The following ZDHHC14 variants were observed in gnomAD, a reference collection of about 807,000 sequenced individuals.
ZDHHC14 encodes the protein palmitoyltransferase ZDHHC14.
ZDHHC14 carries 16 observed loss-of-function variants against 47.7 expected under a neutral mutation model. The ratio of observed to expected loss-of-function variants is 0.34; its 90% confidence interval spans 0.23 to 0.51. The LOEUF is 0.51. Among genes scored for constraint, ZDHHC14 ranks in the 20% least tolerant of loss-of-function variants. The probability of loss-of-function intolerance (pLI) is 0.97; values close to 1 mark genes in which losing one functional copy is unlikely to be tolerated. For synonymous variants in ZDHHC14, 293 were observed against 278.9 expected (o/e 1.05, Z -0.50); for missense variants, 515 against 662.5 (o/e 0.78, Z 2.44).
chr6:157,395,195 C>T (rs1450988168), intron 1 of ZDHHC14, among the ~76,000 whole-genome samples: 1 of 151,606 alleles, frequency 6.6e-6, no homozygotes, highest in Non-Finnish European at 1.5e-5. Context: ...AGGTCTTGCT[C>T]TGTCACCCAG....
intron 2 of ZDHHC14, among the ~76,000 whole-genome samples, chr6:157,557,746 T>C (rs1010332990): frequency 2.5e-4 from 38 of 152,304 alleles, no homozygotes; most frequent in African/African-American, 9.1e-4. Context: ...GAGCAATAGA[T>C]GGCTCTCAGC....
At chr6:157,491,826 A>G (rs1256271589) in intron 1 of ZDHHC14, among the ~76,000 whole-genome samples, 1 of 152,248 alleles carries the variant, frequency 6.6e-6, no homozygotes. Context: ...GGGAAGGCTG[A>G]GAGTGATGGT....
intron 1 of ZDHHC14, among the ~76,000 whole-genome samples, chr6:157,489,006 T>A (rs1233405353): frequency 6.6e-6 from 1 of 152,254 alleles, no homozygotes; most frequent in Non-Finnish European, 1.5e-5. Flanking sequence ...CAAGATAACC[T>A]GATGCTGTGC....
At chr6:157,662,889 G>A (rs1778405283) in intron 8 of ZDHHC14, among the ~76,000 whole-genome samples, 1 of 152,212 alleles carries the variant, frequency 6.6e-6, no homozygotes, top group Non-Finnish European at 1.5e-5. Flanking sequence ...AATCAAAATT[G>A]ATAAATGTGT....
chr6:157,635,454 GT>G (rs1288711792), intron 5 of ZDHHC14, among the ~76,000 whole-genome samples: 1 of 152,232 alleles, frequency 6.6e-6, no homozygotes, highest in Non-Finnish European at 1.5e-5. Context: ...GAGGTCCGGA[GT>G]CATTTCTTAA....
At chr6:157,431,499 G>C (rs1453308934) in intron 1 of ZDHHC14, among the ~76,000 whole-genome samples, 1 of 152,102 alleles carries the variant, frequency 6.6e-6, no homozygotes, top group Non-Finnish European at 1.5e-5. Flanking sequence ...CTGTGGACAA[G>C]AATTCTGTTT....
intron 1 of ZDHHC14, among the ~76,000 whole-genome samples, chr6:157,487,379 A>G (rs1413455029): frequency 2.0e-5 from 3 of 152,216 alleles, no homozygotes; most frequent in Non-Finnish European, 4.4e-5. Context: ...AGTCTCACTG[A>G]CCTGGTCTTC....
At chr6:157,551,771 G>A (rs980476874) in intron 2 of ZDHHC14, among the ~76,000 whole-genome samples, 8 of 152,128 alleles carry the variant, frequency 5.3e-5, no homozygotes, top group Admixed American at 2.0e-4. Flanking sequence ...TACTTTGAGC[G>A]TTCTGTTTAA....
chr6:157,458,103 A>C (rs1778972977), intron 1 of ZDHHC14, among the ~76,000 whole-genome samples: 1 of 152,244 alleles, frequency 6.6e-6, no homozygotes, highest in African/African-American at 2.4e-5. Flanking sequence ...CGGTATGTGT[A>C]GAATCTGGTT....
chr6:157,427,238 G>T lies in ZDHHC14; in HGVS notation c.245+44972G>T, dbSNP rs1778241490. On this transcript the variant is annotated intron_variant, in intron 1 of 8. Coordinates refer to ENST00000359775, the MANE Select transcript of ZDHHC14 (RefSeq NM_024630.3). This position sits in a 1 kb window ranked among gnomAD's most constrained non-coding sequence, Gnocchi z 4.4. ...GTGGGAGGGCTCGCCTCATGCCCTT[G>T]GTTTATCTGTGTTCAGAAGCCAGTG... 6.6e-6 allele frequency among the ~76,000 whole-genome samples: 1 copy of T among 152,116 alleles called. No homozygotes were observed. Among genetic ancestry groups the T allele is most frequent in the Non-Finnish European group, 1.5e-5 (1 of 68,006 alleles).
At chr6:157,492,428 C>T (rs549402264) in intron 1 of ZDHHC14, among the ~76,000 whole-genome samples, 4 of 151,904 alleles carry the variant, frequency 2.6e-5, no homozygotes, top group East Asian at 3.9e-4. Flanking sequence ...AGTGGGAAAC[C>T]GGCAAAGCGG....
chr6:157,657,216 A>G (rs1778142476), intron 8 of ZDHHC14, among the ~76,000 whole-genome samples: 1 of 151,702 alleles, frequency 6.6e-6, no homozygotes, highest in Non-Finnish European at 1.5e-5. Flanking sequence ...TGCCCAGCTA[A>G]TTTTTGCATT....
At chr6:157,590,954 T>C (rs1180948826) in intron 2 of ZDHHC14, among the ~76,000 whole-genome samples, 1 of 152,198 alleles carries the variant, frequency 6.6e-6, no homozygotes, top group Non-Finnish European at 1.5e-5. Flanking sequence ...TCAAAGGAGA[T>C]TATTTTGGAA....
chr6:157,644,579 C>T (rs1777428556), intron 5 of ZDHHC14, among the ~76,000 whole-genome samples: 1 of 152,204 alleles, frequency 6.6e-6, no homozygotes, highest in Non-Finnish European at 1.5e-5. Flanking sequence ...ATGGTGGCAT[C>T]GGTTAACCAT....
In ZDHHC14 at chr6:157,469,317, C is replaced by T. The variant is rs535588707; in HGVS notation, c.246-73268C>T. ...ATGACTAGGGTTGTACACTGTGTTA[C>T]CCTCCATAGTCCTTCACCCAAATGA... On this transcript the variant is annotated intron_variant, in intron 1 of 8. Transcript: ENST00000359775. 1.6e-4 allele frequency among the ~76,000 whole-genome samples: 24 copies of T among 152,322 alleles called. 1 individual carries two copies. The highest frequency in any genetic ancestry group is 5.5e-4 in the African/African-American group (23 of 41,572).
At chr6:157,627,802 G>A (rs144058343) in intron 3 of ZDHHC14, among the ~76,000 whole-genome samples, 80 of 152,340 alleles carry the variant, frequency 5.3e-4, no homozygotes, top group African/African-American at 1.9e-3. Flanking sequence ...TCATAGGAAT[G>A]TTTTGAGGCC....
chr6:157,491,184 C>T (rs991715388), intron 1 of ZDHHC14, among the ~76,000 whole-genome samples: 2 of 152,188 alleles, frequency 1.3e-5, no homozygotes, highest in Admixed American at 6.5e-5. Flanking sequence ...TTAGGGTATG[C>T]GGCCGCCCTG....
At chr6:157,507,434 A>C (rs1780354289) in intron 1 of ZDHHC14, among the ~76,000 whole-genome samples, 1 of 151,902 alleles carries the variant, frequency 6.6e-6, no homozygotes, top group South Asian at 2.1e-4. Context: ...CAGGCACGCC[A>C]CCACACCTGG....
chr6:157,514,213 C>T (rs1780596294), intron 1 of ZDHHC14, among the ~76,000 whole-genome samples: 1 of 152,208 alleles, frequency 6.6e-6, no homozygotes, highest in Non-Finnish European at 1.5e-5. Context: ...CCAGGGCTCT[C>T]AATTTTTTGG....
Sources: allele counts gnomAD v4.1 joint callset (sites outside exome capture counted in the v4.1 genomes callset), GRCh38; gene constraint gnomAD v4.1.1; non-coding constraint Gnocchi (gnomAD v3.1); transcripts MANE v1.5; gene names NCBI Gene and HGNC (gene_info 2026-07-23, HGNC 2026-07-21).